Variants in SEM1 observed in about 807,000 individuals in gnomAD.
SEM1 encodes the protein 26S proteasome complex subunit SEM1.
Under a neutral mutation model 12.7 loss-of-function variants are expected in SEM1, and 3 were observed. The ratio of observed to expected loss-of-function variants is 0.24; its 90% CI spans 0.11 to 0.61. The LOEUF is 0.61. Ranked by LOEUF, SEM1 falls within the 20% of genes least tolerant of loss-of-function variation. The probability of loss-of-function intolerance (pLI) is 0.88; values close to 1 mark genes in which losing one functional copy is unlikely to be tolerated. For missense variants in SEM1, 59 were observed against 81.3 expected (o/e 0.73, Z 1.06); for synonymous variants, 30 against 27.8 (o/e 1.08, Z -0.25).
intron 2 of SEM1, among the ~76,000 whole-genome samples, chr7:96,519,692 T>C (rs1352888516): frequency 6.6e-6 from 1 of 152,076 alleles, no homozygotes; most frequent in African/African-American, 2.4e-5. Flanking sequence ...AAGTTTCCTG[T>C]GTTTAGACAA....
At chr7:96,513,468 A>T (rs1278569485) in intron 2 of SEM1, among the ~76,000 whole-genome samples, 1 of 152,164 alleles carries the variant, frequency 6.6e-6, no homozygotes, top group Non-Finnish European at 1.5e-5. Flanking sequence ...GGAAACTTTT[A>T]TCCTTATCTG....
intron 2 of SEM1, among the ~76,000 whole-genome samples, chr7:96,607,735 A>C (rs1053823872): frequency 6.6e-6 from 1 of 152,102 alleles, no homozygotes. Context: ...CCCATTCCCT[A>C]TGTAGAACCT....
intron 2 of SEM1, among the ~76,000 whole-genome samples, chr7:96,682,893 A>G (rs558117252): frequency 3.3e-5 from 5 of 152,338 alleles, no homozygotes; most frequent in African/African-American, 1.2e-4. Context: ...GAAGTGGGCA[A>G]AGGATATGAA....
At chr7:96,637,672 A>C (rs1808470485) in intron 2 of SEM1, among the ~76,000 whole-genome samples, 1 of 151,994 alleles carries the variant, frequency 6.6e-6, no homozygotes, top group South Asian at 2.1e-4. Context: ...CTTCTGCATA[A>C]GATGAAAGAG....
At chr7:96,514,825 A>G (rs916643431) in intron 2 of SEM1, among the ~76,000 whole-genome samples, 1 of 147,800 alleles carries the variant, frequency 6.8e-6, no homozygotes, top group Non-Finnish European at 1.5e-5. Flanking sequence ...TATTGTCAAG[A>G]TATCAGTTTT....
chr7:96,585,833 C>T (rs563754066), intron 2 of SEM1, among the ~76,000 whole-genome samples: 10 of 152,270 alleles, frequency 6.6e-5, no homozygotes, highest in East Asian at 1.9e-4. Context: ...GGCTTGCACA[C>T]GGTGCGCGCA....
At chr7:96,506,002 A>T (rs1388387910) in intron 3 of SEM1, among the ~76,000 whole-genome samples, 1 of 152,126 alleles carries the variant, frequency 6.6e-6, no homozygotes, top group Non-Finnish European at 1.5e-5. Context: ...GCATTCTCCA[A>T]AGGTGACCAT....
At chr7:96,626,105 G>A (rs147008532) in intron 2 of SEM1, among the ~76,000 whole-genome samples, 32 of 151,862 alleles carry the variant, frequency 2.1e-4, no homozygotes, top group Admixed American at 5.9e-4. Context: ...CAAATAATAG[G>A]TCTTATTCAT....
At chr7:96,687,890 G>A (rs1043995850), downstream of SEM1, 9 of 151,838 alleles carry the variant, frequency 5.9e-5, no homozygotes, top group Admixed American at 1.3e-4. Flanking sequence ...TAGCAGTTCC[G>A]TTAGGCAGGC....
chr7:96,530,276 G>T (rs933814555), intron 2 of SEM1, among the ~76,000 whole-genome samples: 104 of 152,062 alleles, frequency 6.8e-4, no homozygotes, highest in African/African-American at 2.3e-3. Flanking sequence ...AAGGGGATAT[G>T]GTGAAAGAGT....
intron 2 of SEM1, among the ~76,000 whole-genome samples, chr7:96,554,743 A>G (rs1180282097): frequency 6.7e-6 from 1 of 149,754 alleles, no homozygotes; most frequent in Non-Finnish European, 1.5e-5. Flanking sequence ...CTCTTTTTCT[A>G]TTGATTGGAA....
At chr7:96,650,620 T>G in intron 2 of SEM1, 1 of 660,658 alleles carries the variant, frequency 1.5e-6, no homozygotes, top group South Asian at 1.7e-5. Flanking sequence ...TTACTTAGAA[T>G]TTAAATGAAA....
At chr7:96,486,255 T>G in exon 2 of SEM1, 10 of 1,537,170 alleles carry the variant, frequency 6.5e-6, no homozygotes, top group Non-Finnish European at 8.7e-6. Flanking sequence ...ATCTCCAAGT[T>G]TATCTGTTGC....
At chr7:96,613,819 T>C (rs1807619634) in intron 2 of SEM1, among the ~76,000 whole-genome samples, 1 of 152,274 alleles carries the variant, frequency 6.6e-6, no homozygotes, top group Non-Finnish European at 1.5e-5. Flanking sequence ...ATGCCTCGCT[T>C]ATTTCACTTA....
chr7:96,483,795 A>G, exon 4 of SEM1: 1 of 1,530,880 alleles, frequency 6.5e-7, no homozygotes, highest in East Asian at 2.4e-5. Flanking sequence ...TGGTATCAGC[A>G]TGTTTACTTC....
chr7:96,664,958 C>A (rs12537768), intron 2 of SEM1, among the ~76,000 whole-genome samples: 25,817 of 152,174 alleles, frequency 0.17, 2,215 homozygotes, highest in South Asian at 0.21. Flanking sequence ...AACAATCATT[C>A]TGTGTCCTCT....
intron 1 of SEM1, among the ~76,000 whole-genome samples, chr7:96,489,191 C>T (rs1239370593): frequency 1.3e-5 from 2 of 152,130 alleles, no homozygotes; most frequent in Non-Finnish European, 2.9e-5. Flanking sequence ...ACACTCCTCC[C>T]TTACTTTCTA....
intron 2 of SEM1, among the ~76,000 whole-genome samples, chr7:96,577,565 C>G (rs1806247585): frequency 6.6e-6 from 1 of 151,758 alleles, no homozygotes; most frequent in African/African-American, 2.4e-5. Context: ...AAATGTTTCC[C>G]TGAGAATTCA....
chr7:96,545,078 T>C (rs1805065857), intron 2 of SEM1, among the ~76,000 whole-genome samples: 2 of 152,114 alleles, frequency 1.3e-5, no homozygotes, highest in South Asian at 4.1e-4. Flanking sequence ...TGTAAAGCCT[T>C]CCCTGACCCC....
Sources: allele counts gnomAD v4.1 joint callset (sites outside exome capture counted in the v4.1 genomes callset), GRCh38; gene constraint gnomAD v4.1.1; transcripts MANE v1.5; gene names NCBI Gene and HGNC (gene_info 2026-07-23, HGNC 2026-07-21).